The following VPS41 variants were observed in gnomAD, a reference collection of about 807,000 sequenced individuals.
The protein encoded by VPS41 is VPS41 subunit of HOPS complex.
In VPS41, 85 loss-of-function variants were observed where a neutral mutation model predicts 130.9. That is an observed-to-expected ratio of 0.65 (90% CI 0.55 to 0.78). The LOEUF (loss-of-function observed/expected upper bound fraction) is 0.78, where lower values mean the gene tolerates loss of function less well. Ranked by LOEUF, VPS41 falls within the 30% of genes least tolerant of loss-of-function variation. VPS41 has a pLI of 0.00. For synonymous variants in VPS41, 335 were observed against 332.9 expected (o/e 1.01, Z -0.07); for missense variants, 874 against 1,018.7 (o/e 0.86, Z 1.93).
At chr7:38,749,081 GAACA>G (rs1386919207) in intron 22 of VPS41, among the ~76,000 whole-genome samples, 2 of 152,074 alleles carry the variant, frequency 1.3e-5, no homozygotes, top group African/African-American at 4.8e-5. Context: ...ATTTCCTTTA[GAACA>G]AACAATTTCA....
intron 4 of VPS41, among the ~76,000 whole-genome samples, chr7:38,857,513 A>T (rs1786012147): frequency 6.6e-6 from 1 of 152,236 alleles, no homozygotes; most frequent in African/African-American, 2.4e-5. Flanking sequence ...TTTAACAGAG[A>T]CATGGCACAA....
chr7:38,747,448 G>A (rs1796009901), intron 22 of VPS41, among the ~76,000 whole-genome samples: 1 of 152,138 alleles, frequency 6.6e-6, no homozygotes. Context: ...CTAATGATAA[G>A]CATTTATGCT....
chr7:38,845,928 A>G (rs1185030513), intron 4 of VPS41, among the ~76,000 whole-genome samples: 2 of 152,254 alleles, frequency 1.3e-5, no homozygotes, highest in Non-Finnish European at 2.9e-5. Flanking sequence ...TGTGTGAAAT[A>G]TGATTTAAAA....
At chr7:38,877,242 TTCCACACAGGAAAA>T (rs1786511451) in intron 2 of VPS41, among the ~76,000 whole-genome samples, 2 of 152,136 alleles carry the variant, frequency 1.3e-5, no homozygotes, top group Non-Finnish European at 2.9e-5. Context: ...TCATTTAGAT[TTCCACACAGGAAAA>T]TCCAAATCAT....
At chr7:38,858,208 T>C (rs1786027045) in intron 4 of VPS41, among the ~76,000 whole-genome samples, 1 of 152,248 alleles carries the variant, frequency 6.6e-6, no homozygotes, top group South Asian at 2.1e-4. Context: ...GAGACAGCTT[T>C]GCACAGCTAT....
intron 10 of VPS41, among the ~76,000 whole-genome samples, chr7:38,780,961 C>T (rs1250558991): frequency 1.3e-5 from 2 of 152,152 alleles, no homozygotes; most frequent in African/African-American, 4.8e-5. Flanking sequence ...ATGTGAGGTG[C>T]CTTCTCCCAC....
At chr7:38,829,804 T>C (rs1318709330) in intron 5 of VPS41, among the ~76,000 whole-genome samples, 2 of 152,248 alleles carry the variant, frequency 1.3e-5, no homozygotes, top group Admixed American at 6.5e-5. Context: ...TAAACTATGA[T>C]TGCTTATCAA....
At chr7:38,778,845 C>G (rs1219299745) in intron 10 of VPS41, among the ~76,000 whole-genome samples, 1 of 152,094 alleles carries the variant, frequency 6.6e-6, no homozygotes. Flanking sequence ...CAGTGTTTCT[C>G]CTAAAGGTAA....
chr7:38,834,489 A>T (rs1030642239), intron 4 of VPS41, among the ~76,000 whole-genome samples: 1 of 152,186 alleles, frequency 6.6e-6, no homozygotes, highest in African/African-American at 2.4e-5. Flanking sequence ...CACAGGTTGT[A>T]AAATAAAACG....
intron 4 of VPS41, among the ~76,000 whole-genome samples, chr7:38,842,235 T>G (rs190717781): frequency 8.3e-4 from 127 of 152,182 alleles, no homozygotes; most frequent in African/African-American, 2.9e-3. Context: ...ACCTCTCAAA[T>G]CCATCCTTTT....
intron 25 of VPS41, among the ~76,000 whole-genome samples, chr7:38,736,183 A>G (rs1795759889): frequency 6.6e-6 from 1 of 152,266 alleles, no homozygotes; most frequent in African/African-American, 2.4e-5. Context: ...AAGATATTTT[A>G]GAGATCATCT....
intron 1 of VPS41, among the ~76,000 whole-genome samples, chr7:38,906,089 C>T (rs546599707): frequency 6.6e-5 from 10 of 152,178 alleles, no homozygotes; most frequent in South Asian, 4.1e-4. Context: ...AGCCACCGCA[C>T]GCAGCCCTAT....
chr7:38,785,121 C>T lies in VPS41; in HGVS notation c.784+4680G>A, dbSNP rs538318824. 8.5e-5 allele frequency among the ~76,000 whole-genome samples: 13 copies of T among 152,282 alleles called. No individual in the cohort carries two copies. The South Asian group carries it at 2.7e-3, about 32-fold the overall frequency. ...TCCCAAGAGATTCTGGCCCCTTAGT[C>T]ACCAGATATTAGTATTTTATAATCA... On this transcript the variant is annotated intron_variant, in intron 10 of 28. Transcript: ENST00000310301.
At chr7:38,859,952 G>C (rs1052274543) in intron 4 of VPS41, among the ~76,000 whole-genome samples, 3 of 152,134 alleles carry the variant, frequency 2.0e-5, no homozygotes, top group Non-Finnish European at 4.4e-5. Context: ...CAAAGTATTT[G>C]AATTAACATA....
intron 23 of VPS41, among the ~76,000 whole-genome samples, chr7:38,744,780 AC>A (rs1795954110): frequency 6.6e-6 from 1 of 152,184 alleles, no homozygotes; most frequent in Non-Finnish European, 1.5e-5. Context: ...GTGGCTGAGC[AC>A]CCATGAATCT....
intron 27 of VPS41, chr7:38,727,212 G>GACTACAT: frequency 5.8e-6 from 2 of 343,950 alleles, no homozygotes; most frequent in South Asian, 1.4e-4. Flanking sequence ...CTTAGCCTCT[G>GACTACAT]TGTCACTTAC....
At chr7:38,770,385 A>G (rs943436983) in intron 14 of VPS41, among the ~76,000 whole-genome samples, 4 of 150,234 alleles carry the variant, frequency 2.7e-5, no homozygotes, top group Non-Finnish European at 4.4e-5. Flanking sequence ...ATTCTCTTCC[A>G]TTTCTAGAGA....
At chr7:38,887,939 A>G (rs918190134) in intron 2 of VPS41, among the ~76,000 whole-genome samples, 1 of 152,202 alleles carries the variant, frequency 6.6e-6, no homozygotes, top group African/African-American at 2.4e-5. Context: ...AAGCTTCATA[A>G]GTAAAGGAGA....
chr7:38,754,795 G>A (rs1783755865), intron 20 of VPS41, 43 bp from the exon 21 acceptor site: 1 of 1,594,648 alleles, frequency 6.3e-7, no homozygotes, highest in Non-Finnish European at 8.6e-7. Context: ...CATGAGGACA[G>A]AAAGACAGCT....
Sources: gnomAD v4.1 joint callset for allele counts (sites outside exome capture counted in the v4.1 genomes callset) on GRCh38, gnomAD v4.1.1 for gene constraint, MANE v1.5 for transcripts, NCBI Gene and HGNC (gene_info 2026-07-23, HGNC 2026-07-21) for gene names.